Variants in TNRC18 observed in about 807,000 individuals in gnomAD.
TNRC18 encodes trinucleotide repeat-containing gene 18 protein.
TNRC18 carries 69 observed loss-of-function variants against 226.7 expected under a neutral mutation model. The observed-to-expected ratio is 0.30, with a 90% confidence interval of 0.25 to 0.37. The LOEUF is 0.37. Among genes scored for constraint, TNRC18 ranks in the 10% least tolerant of loss-of-function variants. TNRC18 has a pLI of 1.00. For synonymous variants in TNRC18, 2,449 were observed against 1,927.6 expected (o/e 1.27, Z -7.09); for missense variants, 4,754 against 4,256.6 (o/e 1.12, Z -3.25).
At chr7:5,390,432 G>A in intron 4 of TNRC18, 53 bp downstream of exon 4, 1 of 1,601,894 alleles carries the variant, frequency 6.2e-7, no homozygotes, top group Non-Finnish European at 8.5e-7. Context: ...AAAGGCCCCA[G>A]AAGCCTCTCA....
chr7:5,414,054 C>T (rs186309933), intron 2 of TNRC18, among the ~76,000 whole-genome samples: 9 of 151,856 alleles, frequency 5.9e-5, no homozygotes, highest in African/African-American at 2.2e-4. Context: ...TCAAGTGATT[C>T]TCCTGCCTCA....
At position 5,394,654 on chromosome 7, in the gene TNRC18, A is replaced by G; in HGVS notation, c.188-59T>C. On this transcript the variant is annotated intron_variant, in intron 2 of 29. Transcript: ENST00000430969. The surrounding 1 kb of genome is among the most constrained non-coding windows in gnomAD (Gnocchi z 4.5). ...ACAACCAGGGAGGCGCCGCCGCCCC[A>G]GCCCACCGCCCCGACCCACCGCCCC... is the stretch of plus-strand genomic sequence containing the variant. 1 of 1,082,248 alleles carries G rather than the reference A, an allele frequency of 9.2e-7. No individual in the cohort carries two copies. Among genetic ancestry groups the G allele is most frequent in the South Asian group, 1.4e-5 (1 of 70,320 alleles). The allele number at this position is 1,082,248 out of a possible 1,614,324, so 67.0% of individuals were successfully genotyped here.
intron 16 of TNRC18, among the ~76,000 whole-genome samples, chr7:5,355,965 G>A (rs1321169693): frequency 6.6e-6 from 1 of 151,944 alleles, no homozygotes; most frequent in African/African-American, 2.4e-5. Flanking sequence ...AGGAGTTTAG[G>A]ACCAGCCTGG....
At chr7:5,321,864 G>T (rs1424696502) in intron 21 of TNRC18, among the ~76,000 whole-genome samples, 1 of 151,734 alleles carries the variant, frequency 6.6e-6, no homozygotes, top group Non-Finnish European at 1.5e-5. Context: ...TAGAGACGGG[G>T]TTCCACCATG....
At chr7:5,420,264 T>C in intron 2 of TNRC18, 2 of 389,742 alleles carry the variant, frequency 5.1e-6, no homozygotes, top group Non-Finnish European at 1.0e-5. Context: ...CTCCAGCAGC[T>C]CGATGTGAGA....
chr7:5,363,533 G>A (rs1793296327), intron 11 of TNRC18, among the ~76,000 whole-genome samples: 2 of 152,154 alleles, frequency 1.3e-5, no homozygotes, highest in African/African-American at 2.4e-5. Context: ...GAACCTGGGA[G>A]GCGGAGCTTG....
chr7:5,388,053 A>G lies in TNRC18; in HGVS notation c.1771T>C (p.Tyr591His). Reference protein sequence around the residue: ...EASAMQSLIKYSGSFARDAVA... With the variant: ...EASAMQSLIKHSGSFARDAVA... ...GCGTCCCGGGCAAAGCTGCCACTGT[A>G]CTTTATAAGGCTCTGCATGGCCGAG... The change falls in exon 5 of 30, where the codon TAC becomes CAC. Residue 591 changes from tyrosine to histidine, a missense_variant. By Grantham distance (83) the Tyr-to-His change is moderately conservative. Transcript: ENST00000430969. 1 of 1,561,046 alleles carries G rather than the reference A, an allele frequency of 6.4e-7. No homozygotes were observed. Among genetic ancestry groups the G allele is most frequent in the East Asian group, 2.4e-5 (1 of 41,774 alleles).
rs1445353776 is a variant in TNRC18 at position 5,332,746 on chromosome 7, G to A, written c.6023C>T (p.Ser2008Leu). The change falls in exon 19 of 30, where the codon TCG (serine) becomes TTG (leucine). Residue 2008 changes from serine to leucine, a missense_variant. Ser to Leu is a moderately radical substitution (Grantham distance 145, BLOSUM62 -2). Transcript: ENST00000430969. ...RSERIFLHDA[S>L]AAAPAPVSTA... Reference sequence around the variant, plus strand: ...GCTGACGGGCGCAGGTGCAGCAGCCGAGGCGTCGTGCAGGAAGATGCGCTC... The same window carrying A: ...GCTGACGGGCGCAGGTGCAGCAGCCAAGGCGTCGTGCAGGAAGATGCGCTC... 7.2e-6 allele frequency: 11 copies of A among 1,521,508 alleles called. No homozygotes were observed. Among genetic ancestry groups the A allele is most frequent in the Non-Finnish European group, 9.6e-6 (11 of 1,140,122 alleles). 94.3% of individuals were successfully genotyped at this position (1,521,508 alleles called of 1,614,324 possible). A position where few individuals can be genotyped will look rare whatever the true frequency, so the allele number is the denominator to read the frequency against.
At chr7:5,357,403 C>G (rs1488329328) in intron 15 of TNRC18, 127 bp from the exon 16 acceptor site, 1 of 1,039,756 alleles carries the variant, frequency 9.6e-7, no homozygotes, top group Non-Finnish European at 1.4e-6. Flanking sequence ...CTCCTCTTAG[C>G]ACGCATATAT....
chr7:5,319,697 C>T lies in TNRC18; in HGVS notation c.6745+621G>A, dbSNP rs143296855. On this transcript the variant is annotated intron_variant, in intron 24 of 29. Coordinates refer to ENST00000430969, the MANE Select transcript of TNRC18 (RefSeq NM_001080495.3). ...CTAATTTTTGTATTTTTAGTAGAGA[C>T]GGGGTTTTACCACGTTGGCCAAGCT... 3.3e-3 allele frequency among the ~76,000 whole-genome samples: 495 copies of T among 152,146 alleles called. 1 individual carries two copies. The highest frequency in any genetic ancestry group is 0.011 in the African/African-American group (461 of 41,504).
rs757863978 is a variant in TNRC18, at chr7:5,378,019, C to T, written c.2158G>A (p.Gly720Ser). ...SLSLSNVKGH[G>S]RADEDCVDDR... Reference sequence around the variant, plus strand: ...TCCACACAGTCCTCATCTGCTCGGCCGTGCCCTGCAGGGGGCCAGGTGGAA... The same window carrying T: ...TCCACACAGTCCTCATCTGCTCGGCTGTGCCCTGCAGGGGGCCAGGTGGAA... The change falls in exon 6 of 30, where the codon GGC becomes AGC. Residue 720 changes from glycine to serine, a missense_variant. Gly to Ser is a moderately conservative substitution (Grantham distance 56). Coordinates refer to ENST00000430969, the MANE Select transcript of TNRC18 (RefSeq NM_001080495.3). 98 of 1,609,768 alleles carry T rather than the reference C, an allele frequency of 6.1e-5. No homozygotes were observed. The highest frequency in any genetic ancestry group is 5.0e-4 in the Middle Eastern group (3 of 6,040).
intron 5 of TNRC18, among the ~76,000 whole-genome samples, chr7:5,380,654 A>G: frequency 6.6e-6 from 1 of 152,144 alleles, no homozygotes; most frequent in Non-Finnish European, 1.5e-5. Context: ...CTCCTGTATC[A>G]AAGCAGAAGC....
At chr7:5,372,257 T>C (rs1794228254) in intron 10 of TNRC18, among the ~76,000 whole-genome samples, 1 of 151,568 alleles carries the variant, frequency 6.6e-6, no homozygotes, top group South Asian at 2.1e-4. Context: ...TTTTGTATTT[T>C]TAGTAGAGAT....
At position 5,357,418 on chromosome 7, in the gene TNRC18, AT is replaced by A. The variant is rs893929047; in HGVS notation, c.4834-143del. On this transcript the variant is annotated intron_variant, in intron 15 of 29. Transcript: ENST00000430969. ...CTCCTCTTAGCACGCATATATATTT[AT>A]TTTTTTTTTAGAGACGGAGTCTCGC... 6,678 of 825,826 alleles carry A rather than the reference AT, an allele frequency of 8.1e-3. 1 individual carries two copies. The highest frequency in any genetic ancestry group is 0.013 in the South Asian group (475 of 37,358). 51.2% of individuals were successfully genotyped at this position (825,826 alleles called of 1,614,324 possible).
chr7:5,362,779 C>G lies in TNRC18; in HGVS notation c.4266G>C (p.Leu1422=). Residue 1422 remains leucine, a synonymous_variant, in exon 12 of 30, where the codon CTG becomes CTC. Coordinates refer to ENST00000430969, the MANE Select transcript of TNRC18 (RefSeq NM_001080495.3). ...CCCTCAGCATGTGGCTGCCAGCTGC[C>G]AGCAGACTCTCCAGGGAGGGCCGCG... ...LVARPSLESL[L]AAGSHMLREV... is the part of the protein sequence containing the mutation. 1 of 1,572,892 alleles carries G rather than the reference C, an allele frequency of 6.4e-7. No individual in the cohort carries two copies. Among genetic ancestry groups the G allele is most frequent in the Non-Finnish European group, 8.6e-7 (1 of 1,159,644 alleles).
intron 21 of TNRC18, 38 bp from the exon 22 acceptor site, chr7:5,321,228 G>C (rs1398886162): frequency 2.1e-6 from 3 of 1,439,970 alleles, no homozygotes. Flanking sequence ...CTGGAGCCGG[G>C]GGCGTCTGCG....
intron 17 of TNRC18, among the ~76,000 whole-genome samples, chr7:5,351,143 A>G (rs1235383504): frequency 2.0e-5 from 3 of 152,072 alleles, no homozygotes; most frequent in Admixed American, 2.0e-4. Flanking sequence ...TGAATAACAC[A>G]GGCAAGCGGC....
intron 9 of TNRC18, among the ~76,000 whole-genome samples, chr7:5,375,231 C>T (rs1262967162): frequency 6.6e-6 from 1 of 152,146 alleles, no homozygotes; most frequent in Non-Finnish European, 1.5e-5. Flanking sequence ...ATCGTTTGAA[C>T]CCAGGAGGCG....
intron 29 of TNRC18, 119 bp from the exon 30 acceptor site, chr7:5,308,431 C>T (rs1178354478): frequency 1.1e-6 from 1 of 911,646 alleles, no homozygotes; most frequent in Non-Finnish European, 1.7e-6. Context: ...AGACAGAGAC[C>T]AAGTCAGAGA....
Sources: gnomAD v4.1 joint callset for allele counts (sites outside exome capture counted in the v4.1 genomes callset) on GRCh38, gnomAD v4.1.1 for gene constraint, Gnocchi (gnomAD v3.1) non-coding constraint, MANE v1.5 for transcripts, NCBI Gene and HGNC (gene_info 2026-07-23, HGNC 2026-07-21) for gene names.